The following ARAP2 variants were observed in gnomAD, a reference collection of about 807,000 sequenced individuals.
ARAP2 encodes ArfGAP with RhoGAP domain, ankyrin repeat and PH domain 2.
Under a neutral mutation model 194.5 loss-of-function variants are expected in ARAP2, and 148 were observed. That is an observed-to-expected ratio of 0.76 (90% CI 0.67 to 0.87). ARAP2 has a LOEUF of 0.87. ARAP2 is among the 40% of genes least tolerant of loss of function. The pLI is 0.00. For synonymous variants in ARAP2, 695 were observed against 683.5 expected, an observed-to-expected ratio of 1.02 and a Z score of -0.26; for missense variants, 2,128 against 1,989.7, an observed-to-expected ratio of 1.07 and a Z score of -1.32.
intron 7 of ARAP2, among the ~76,000 whole-genome samples, chr4:36,191,221 TG>T (rs1267381601): frequency 6.6e-6 from 1 of 152,148 alleles, no homozygotes; most frequent in Non-Finnish European, 1.5e-5. Context: ...ATTAACTATT[TG>T]TTGAGGAAAA....
chr4:36,224,011 C>A (rs1036273260), intron 2 of ARAP2, among the ~76,000 whole-genome samples: 1 of 151,356 alleles, frequency 6.6e-6, no homozygotes, highest in Admixed American at 6.6e-5. Context: ...TAATGAATAA[C>A]TCTGATTATA....
At chr4:36,125,581 G>A (rs906256774) in intron 21 of ARAP2, among the ~76,000 whole-genome samples, 2 of 151,926 alleles carry the variant, frequency 1.3e-5, no homozygotes, top group African/African-American at 4.8e-5. Context: ...TGGATTTAGA[G>A]GATGATAGAC....
At chr4:36,117,551 A>G (rs1408226196) in intron 24 of ARAP2, among the ~76,000 whole-genome samples, 1 of 151,726 alleles carries the variant, frequency 6.6e-6, no homozygotes, top group East Asian at 1.9e-4. Flanking sequence ...GCTTCAAGCT[A>G]TAATGTGTGC....
intron 9 of ARAP2, among the ~76,000 whole-genome samples, chr4:36,007,663 C>T (rs1713574225): frequency 6.6e-6 from 1 of 152,174 alleles, no homozygotes; most frequent in South Asian, 2.1e-4. Flanking sequence ...AATTCAGTGG[C>T]TATCTACATA....
At chr4:36,226,243 T>C (rs1342886477) in intron 2 of ARAP2, among the ~76,000 whole-genome samples, 1 of 152,054 alleles carries the variant, frequency 6.6e-6, no homozygotes, top group Non-Finnish European at 1.5e-5. Flanking sequence ...CAGTCACAAA[T>C]TGAATAACGA....
At chr4:36,045,899 G>A (rs1185859394) in intron 5 of ARAP2, 1 of 152,078 alleles carries the variant, frequency 6.6e-6, no homozygotes, top group East Asian at 1.9e-4. Context: ...TATAAAGTAA[G>A]AGAGGGGGAT....
chr4:36,051,197 A>G (rs766285230), intron 3 of ARAP2, among the ~76,000 whole-genome samples: 4 of 152,184 alleles, frequency 2.6e-5, no homozygotes, highest in Non-Finnish European at 4.4e-5. Context: ...TGAGAACATC[A>G]TTGTTTCAAA....
At chr4:36,161,012 C>T (rs1351353367) in intron 12 of ARAP2, among the ~76,000 whole-genome samples, 2 of 152,114 alleles carry the variant, frequency 1.3e-5, no homozygotes, top group African/African-American at 2.4e-5. Context: ...AAAATGGAGA[C>T]AGGACACAGC....
At chr4:36,171,107 T>A (rs1736513059) in intron 9 of ARAP2, among the ~76,000 whole-genome samples, 1 of 152,154 alleles carries the variant, frequency 6.6e-6, no homozygotes, top group Non-Finnish European at 1.5e-5. Context: ...TTCACTTATT[T>A]GCAAAATAGG....
At chr4:36,228,080 G>A (rs1403540892) in intron 2 of ARAP2, among the ~76,000 whole-genome samples, 2 of 152,064 alleles carry the variant, frequency 1.3e-5, no homozygotes, top group Admixed American at 6.5e-5. Flanking sequence ...GCAAGTCACC[G>A]TATTCCTCTT....
intron 27 of ARAP2, among the ~76,000 whole-genome samples, chr4:36,092,380 C>T (rs1365085592): frequency 1.3e-5 from 2 of 151,888 alleles, no homozygotes; most frequent in South Asian, 2.1e-4. Flanking sequence ...GAGGCCGAGG[C>T]GGGCGGATTA....
intron 27 of ARAP2, among the ~76,000 whole-genome samples, chr4:36,103,063 T>A (rs1014192278): frequency 6.6e-6 from 1 of 151,842 alleles, no homozygotes; most frequent in Non-Finnish European, 1.5e-5. Context: ...GGATTTGTAT[T>A]ATATTTGCTG....
chr4:36,076,730 T>G (rs1227252385), intron 31 of ARAP2, among the ~76,000 whole-genome samples: 1 of 152,020 alleles, frequency 6.6e-6, no homozygotes, highest in Non-Finnish European at 1.5e-5. Context: ...TTCCCCCAAA[T>G]TTACATTTTA....
chr4:36,165,309 T>C (rs937435617), intron 10 of ARAP2, among the ~76,000 whole-genome samples, 196 bp from the exon 11 acceptor site: 2 of 152,236 alleles, frequency 1.3e-5, no homozygotes, highest in African/African-American at 4.8e-5. Context: ...CCACACTGTT[T>C]ATGTCTTTGT....
Position 36,068,185 on chromosome 4 carries a change from C to A in ARAP2, c.4837G>T (p.Ala1613Ser), listed in dbSNP as rs1477944932. 1.2e-6 allele frequency: 2 copies of A among 1,613,978 alleles called. No homozygotes were observed. Among genetic ancestry groups the A allele is most frequent in the Non-Finnish European group, 1.7e-6 (2 of 1,179,900 alleles). ...TCGTCCTTGTGCTCCAGGCAGTGGG[C>A]CACCATGGAAGCTCTCTCCTTTAAG... is the stretch of plus-strand genomic sequence containing the variant. ...SSLKERASMVAHCLEHKDDKL... is the reference protein window; with the variant it reads ...SSLKERASMVSHCLEHKDDKL... Residue 1613 changes from alanine to serine, a missense_variant, in exon 33 of 33, where the codon GCC (alanine) becomes TCC (serine). Transcript: ENST00000303965.
Position 36,107,426 on chromosome 4 carries a change from T to G in ARAP2, c.4285+139A>C. Reference sequence around the variant, plus strand: ...CTTCCTGTCCATATATTCTTCTTTCTTATATATGTACTATCTCAGTTCATT... The same window carrying G: ...CTTCCTGTCCATATATTCTTCTTTCGTATATATGTACTATCTCAGTTCATT... On this transcript the variant is annotated intron_variant, in intron 27 of 32. Coordinates refer to ENST00000303965, the MANE Select transcript of ARAP2 (RefSeq NM_015230.4). The G allele has an allele frequency of 3.8e-6, 3 of 790,494 alleles. No homozygotes were observed. The Admixed American group carries it at 1.1e-4, about 28-fold the overall frequency. The allele number at this position is 790,494 out of a possible 1,614,324, so 49.0% of individuals were successfully genotyped here. A position where few individuals can be genotyped will look rare whatever the true frequency, so the allele number is the denominator to read the frequency against.
At chr4:36,164,706 G>C (rs1053194324) in intron 11 of ARAP2, among the ~76,000 whole-genome samples, 1 of 152,156 alleles carries the variant, frequency 6.6e-6, no homozygotes, top group Admixed American at 6.6e-5. Context: ...CATAAAATAT[G>C]ATTGCATGCT....
At chr4:36,055,613 G>A (rs1723369152) in intron 2 of ARAP2, among the ~76,000 whole-genome samples, 1 of 151,872 alleles carries the variant, frequency 6.6e-6, no homozygotes, top group Non-Finnish European at 1.5e-5. Flanking sequence ...GCCCAGGCTG[G>A]AGTGCAATGG....
intron 5 of ARAP2, among the ~76,000 whole-genome samples, chr4:36,023,162 T>C (rs1288604990): frequency 1.3e-5 from 2 of 152,156 alleles, no homozygotes; most frequent in Admixed American, 6.6e-5. Context: ...ACTTTAAATG[T>C]CCTAACTAGG....
Sources: allele counts gnomAD v4.1 joint callset (sites outside exome capture counted in the v4.1 genomes callset), GRCh38; gene constraint gnomAD v4.1.1; transcripts MANE v1.5; gene names NCBI Gene and HGNC (gene_info 2026-07-23, HGNC 2026-07-21).